The following HDAC9 variants were observed in gnomAD, a reference collection of about 807,000 sequenced individuals.
HDAC9 encodes the protein MEF-2 interacting transcription repressor (MITR) protein.
A neutral mutation model predicts 139.4 loss-of-function variants in HDAC9; 41 were observed. That is an observed-to-expected ratio of 0.29 (90% CI 0.23 to 0.38). The LOEUF (loss-of-function observed/expected upper bound fraction) is 0.38, where lower values mean the gene tolerates loss of function less well. Ranked by LOEUF, HDAC9 falls within the 10% of genes least tolerant of loss-of-function variation. The pLI, the probability that HDAC9 is intolerant of heterozygous loss-of-function variation, is 1.00. For missense variants in HDAC9, 1,147 were observed against 1,297.0 expected (o/e 0.88, Z 1.78); for synonymous variants, 517 against 476.2 (o/e 1.09, Z -1.12).
chr7:18,739,802 C>G (rs1787279480), intron 13 of HDAC9, among the ~76,000 whole-genome samples: 1 of 152,250 alleles, frequency 6.6e-6, no homozygotes, highest in Non-Finnish European at 1.5e-5. Context: ...CTCTTCAGAT[C>G]TGTCAGACAG....
intron 2 of HDAC9, among the ~76,000 whole-genome samples, chr7:18,214,460 G>A (rs1792156929): frequency 6.6e-6 from 1 of 152,096 alleles, no homozygotes; most frequent in African/African-American, 2.4e-5. Context: ...ATGTGAAAGA[G>A]TCTGATCTCT....
At chr7:18,400,239 G>A (rs1380966023) in intron 1 of HDAC9, among the ~76,000 whole-genome samples, 1 of 152,164 alleles carries the variant, frequency 6.6e-6, no homozygotes, top group East Asian at 1.9e-4. Context: ...CCCTTATTTA[G>A]TTTAGTTTAA....
At chr7:18,628,253 G>C (rs1377860681) in intron 6 of HDAC9, among the ~76,000 whole-genome samples, 1 of 152,116 alleles carries the variant, frequency 6.6e-6, no homozygotes, top group Non-Finnish European at 1.5e-5. Context: ...TGGGTACAGA[G>C]CCTGGCTTCA....
At chr7:18,821,714 T>C (rs1290637822) in intron 17 of HDAC9, among the ~76,000 whole-genome samples, 2 of 152,216 alleles carry the variant, frequency 1.3e-5, no homozygotes, top group Non-Finnish European at 2.9e-5. Context: ...TACCTGCAGA[T>C]AGAATCAGAT....
chr7:18,859,844 A>G lies in HDAC9; in HGVS notation c.2685-14634A>G, dbSNP rs1284300708. Among the ~76,000 whole-genome samples, 71 of 123,168 alleles carry G rather than the reference A, an allele frequency of 5.8e-4. 1 individual carries two copies. The highest frequency in any genetic ancestry group is 1.7e-3 in the African/African-American group (55 of 32,706). 80.8% of individuals were successfully genotyped at this position (123,168 alleles called of 152,430 possible). ...TATATATATATATATATATATATAT[A>G]TATATATATATATATGTGAGAGAAT... On this transcript the variant is annotated intron_variant, in intron 21 of 25. Coordinates refer to ENST00000686413, the MANE Select transcript of HDAC9 (RefSeq NM_178425.4).
intron 2 of HDAC9, among the ~76,000 whole-genome samples, chr7:18,244,324 A>T (rs1794378064): frequency 1.3e-5 from 2 of 152,240 alleles, no homozygotes; most frequent in African/African-American, 4.8e-5. Flanking sequence ...GCTGAAATGA[A>T]GTGGTATTTT....
chr7:18,463,739 C>T (rs184676786), intron 1 of HDAC9, among the ~76,000 whole-genome samples: 2 of 151,732 alleles, frequency 1.3e-5, no homozygotes, highest in Non-Finnish European at 3.0e-5. Flanking sequence ...GTAGTTTTTC[C>T]TCTCAGCATA....
intron 9 of HDAC9, among the ~76,000 whole-genome samples, chr7:18,647,243 G>A (rs1472304748): frequency 6.6e-6 from 1 of 152,010 alleles, no homozygotes; most frequent in Admixed American, 6.6e-5. Flanking sequence ...CACTTATTAA[G>A]CCTGAAATAA....
intron 2 of HDAC9, among the ~76,000 whole-genome samples, chr7:18,264,668 G>A (rs1260322511): frequency 6.6e-6 from 1 of 152,154 alleles, no homozygotes; most frequent in African/African-American, 2.4e-5. Flanking sequence ...TCTTATTTTA[G>A]AAAGGATGAC....
At chr7:18,445,055 G>T (rs1391622446) in intron 1 of HDAC9, among the ~76,000 whole-genome samples, 2 of 152,100 alleles carry the variant, frequency 1.3e-5, no homozygotes, top group African/African-American at 4.8e-5. Context: ...AAAAATTCCT[G>T]CATAGTGGCC....
At chr7:18,932,850 AAG>A (rs1804885960) in intron 22 of HDAC9, among the ~76,000 whole-genome samples, 5 of 121,986 alleles carry the variant, frequency 4.1e-5, no homozygotes, top group Admixed American at 2.3e-4. Flanking sequence ...GAAGGAAAAA[AAG>A]AAAGAAAGAA....
chr7:18,165,781 A>G (rs1787966224), intron 2 of HDAC9, among the ~76,000 whole-genome samples: 1 of 151,046 alleles, frequency 6.6e-6, no homozygotes, highest in Non-Finnish European at 1.5e-5. Flanking sequence ...CCTGGGCCAC[A>G]GAGCAAGACC....
At chr7:18,525,737 G>C (rs989968952) in intron 2 of HDAC9, among the ~76,000 whole-genome samples, 1 of 152,132 alleles carries the variant, frequency 6.6e-6, no homozygotes, top group Non-Finnish European at 1.5e-5. Flanking sequence ...ACTGTTGCCT[G>C]TACAACTAAG....
chr7:18,909,899 A>G (rs1269961900), intron 22 of HDAC9, among the ~76,000 whole-genome samples: 3 of 151,854 alleles, frequency 2.0e-5, no homozygotes, highest in Non-Finnish European at 2.9e-5. Context: ...TGATGCTTTT[A>G]GCTTTCGTTT....
intron 1 of HDAC9, among the ~76,000 whole-genome samples, chr7:18,117,328 T>C (rs1784063314): frequency 6.6e-6 from 1 of 151,070 alleles, no homozygotes; most frequent in Admixed American, 6.6e-5. Flanking sequence ...CTACAAAAAA[T>C]ACAAAAAATT....
chr7:18,358,311 C>T (rs1356157806), intron 1 of HDAC9, among the ~76,000 whole-genome samples: 1 of 152,202 alleles, frequency 6.6e-6, no homozygotes, highest in Admixed American at 6.5e-5. Flanking sequence ...GTTGAGTCCA[C>T]TGATGTTGGG....
At chr7:18,950,242 C>T (rs1026663065) in intron 23 of HDAC9, among the ~76,000 whole-genome samples, 3 of 151,980 alleles carry the variant, frequency 2.0e-5, no homozygotes, top group African/African-American at 7.2e-5. Flanking sequence ...CTCTACTTGC[C>T]CTGGGTCTTT....
chr7:18,199,425 A>G (rs1434539033), intron 2 of HDAC9, among the ~76,000 whole-genome samples: 4 of 152,056 alleles, frequency 2.6e-5, no homozygotes, highest in Admixed American at 1.3e-4. Context: ...CATTTGTATA[A>G]TGTAATATCT....
At chr7:18,865,046 AAAAC>A (rs1450996037) in intron 21 of HDAC9, among the ~76,000 whole-genome samples, 6 of 152,226 alleles carry the variant, frequency 3.9e-5, no homozygotes, top group African/African-American at 1.4e-4. Context: ...ATGGGTCATT[AAAAC>A]AAACAAAACA....
Sources: allele counts gnomAD v4.1 joint callset (sites outside exome capture counted in the v4.1 genomes callset), GRCh38; gene constraint gnomAD v4.1.1; transcripts MANE v1.5; gene names NCBI Gene and HGNC (gene_info 2026-07-23, HGNC 2026-07-21).